Variants in USO1 observed in about 807,000 individuals in gnomAD.
The protein encoded by USO1 is general vesicular transport factor p115.
Under a neutral mutation model 124.5 loss-of-function variants are expected in USO1, and 57 were observed. That is an observed-to-expected ratio of 0.46 (90% CI 0.37 to 0.57). USO1 has a LOEUF of 0.57. USO1 is among the 20% of genes least tolerant of loss of function. The probability of loss-of-function intolerance (pLI) is 0.00; values close to 1 mark genes in which losing one functional copy is unlikely to be tolerated. For missense variants in USO1, 900 were observed against 1,040.6 expected (o/e 0.86, Z 1.86); for synonymous variants, 369 against 362.8 (o/e 1.02, Z -0.19).
At chr4:75,746,809 T>C (rs1402925560) in intron 1 of USO1, among the ~76,000 whole-genome samples, 2 of 152,194 alleles carry the variant, frequency 1.3e-5, no homozygotes, top group African/African-American at 4.8e-5. Context: ...TATAGACATA[T>C]TACTATTCAA....
intron 4 of USO1, among the ~76,000 whole-genome samples, chr4:75,762,657 G>A (rs554529665): frequency 2.0e-5 from 3 of 152,148 alleles, no homozygotes; most frequent in South Asian, 2.1e-4. Context: ...GGCCAGGTAC[G>A]GTGGCTCACG....
intron 7 of USO1, among the ~76,000 whole-genome samples, chr4:75,772,421 T>G (rs1721958144): frequency 6.6e-6 from 1 of 152,058 alleles, no homozygotes; most frequent in Non-Finnish European, 1.5e-5. Flanking sequence ...GTATTTTTAG[T>G]AGAGACAGGG....
At chr4:75,805,932 T>C (rs541234100) in intron 19 of USO1, among the ~76,000 whole-genome samples, 3 of 152,264 alleles carry the variant, frequency 2.0e-5, no homozygotes, top group Admixed American at 2.0e-4. Flanking sequence ...TTATGCTCTT[T>C]CTCCATATGA....
chr4:75,767,653 C>A, intron 4 of USO1: 3 of 279,244 alleles, frequency 1.1e-5, no homozygotes, highest in South Asian at 3.0e-5. Flanking sequence ...CTGAGGCGAG[C>A]GGATCACGAG....
chr4:75,744,842 C>A, intron 1 of USO1: 1 of 439,294 alleles, frequency 2.3e-6, no homozygotes, highest in Non-Finnish European at 4.5e-6. Context: ...AAGATACTTC[C>A]GATGTGTTTT....
rs564153291 is a variant in USO1, at chr4:75,740,738, A to C, written c.67-11635A>C. Among the ~76,000 whole-genome samples the C allele has an allele frequency of 2.6e-5, 4 of 152,360 alleles. No homozygotes were observed. The East Asian group carries it at 7.7e-4, about 29-fold the overall frequency. ...GAGTAGGTAATAAAAGCAAGATCTAATATGGAAATTTCTTTAATTTTTTTC... is the reference window on the plus strand; with the variant it reads ...GAGTAGGTAATAAAAGCAAGATCTACTATGGAAATTTCTTTAATTTTTTTC... On this transcript the variant is annotated intron_variant, in intron 1 of 23. Transcript: ENST00000514213.
intron 16 of USO1, 39 bp from the exon 17 acceptor site, chr4:75,801,040 A>C (rs1722835402): frequency 2.7e-6 from 4 of 1,473,842 alleles, no homozygotes; most frequent in Non-Finnish European, 3.6e-6. Flanking sequence ...TAGTATTTAA[A>C]ACATTTAAAA....
At chr4:75,775,250 G>A (rs1323723281) in intron 8 of USO1, among the ~76,000 whole-genome samples, 6 of 152,018 alleles carry the variant, frequency 3.9e-5, no homozygotes, top group Admixed American at 3.3e-4. Flanking sequence ...AAAGTGATAC[G>A]AACCCCAGCT....
chr4:75,779,722 T>C (rs1722166729), intron 8 of USO1, among the ~76,000 whole-genome samples: 1 of 152,338 alleles, frequency 6.6e-6, no homozygotes, highest in Middle Eastern at 3.4e-3. Flanking sequence ...GGAAAGAAGC[T>C]GTCTCCCTAA....
intron 1 of USO1, among the ~76,000 whole-genome samples, chr4:75,731,210 G>A (rs574253006): frequency 6.6e-6 from 1 of 152,208 alleles, no homozygotes; most frequent in African/African-American, 2.4e-5. Flanking sequence ...GTCATATGAA[G>A]ATAAGATTTG....
chr4:75,726,479 A>G (rs897984209), intron 1 of USO1, among the ~76,000 whole-genome samples: 6 of 151,958 alleles, frequency 3.9e-5, no homozygotes, highest in African/African-American at 1.5e-4. Context: ...ACAGGCCTAT[A>G]ATCCCAGCTA....
At chr4:75,795,258 T>C (rs1722645025) in intron 13 of USO1, 2 of 695,682 alleles carry the variant, frequency 2.9e-6, no homozygotes. Flanking sequence ...TATGAAAAAG[T>C]ATTTGAGGGA....
At chr4:75,725,956 T>C (rs1252950728) in intron 1 of USO1, among the ~76,000 whole-genome samples, 1 of 152,148 alleles carries the variant, frequency 6.6e-6, no homozygotes, top group East Asian at 1.9e-4. Context: ...GTGAGAGTAT[T>C]CTCACCTTAA....
intron 4 of USO1, among the ~76,000 whole-genome samples, chr4:75,764,259 A>G (rs903605913): frequency 6.6e-6 from 1 of 152,210 alleles, no homozygotes; most frequent in Non-Finnish European, 1.5e-5. Flanking sequence ...TTTTTCTGGT[A>G]TTAGACCTGA....
intron 7 of USO1, among the ~76,000 whole-genome samples, chr4:75,772,444 G>A (rs1469290464): frequency 6.6e-6 from 1 of 151,778 alleles, no homozygotes; most frequent in Non-Finnish European, 1.5e-5. Flanking sequence ...TCACCATATT[G>A]GCCAGGCTGG....
chr4:75,730,178 G>A (rs975903327), intron 1 of USO1, among the ~76,000 whole-genome samples: 5 of 152,108 alleles, frequency 3.3e-5, no homozygotes, highest in African/African-American at 1.2e-4. Flanking sequence ...TGGCTTTTTG[G>A]AAGGTTAATT....
intron 1 of USO1, among the ~76,000 whole-genome samples, chr4:75,747,121 A>G (rs776152585): frequency 1.8e-4 from 28 of 152,206 alleles, no homozygotes; most frequent in Non-Finnish European, 3.5e-4. Flanking sequence ...AAAGCTCATA[A>G]TTACATTCTT....
intron 1 of USO1, among the ~76,000 whole-genome samples, chr4:75,728,360 C>T (rs542702812): frequency 4.6e-5 from 7 of 152,310 alleles, no homozygotes; most frequent in African/African-American, 9.6e-5. Flanking sequence ...CGGGGGCTCA[C>T]GCCTATAATC....
chr4:75,762,118 G>T (rs965516966), intron 4 of USO1, among the ~76,000 whole-genome samples: 1 of 149,402 alleles, frequency 6.7e-6, no homozygotes, highest in Non-Finnish European at 1.5e-5. Flanking sequence ...GCCCAGAGAT[G>T]ATGTAACTTA....
Sources: allele counts gnomAD v4.1 joint callset (sites outside exome capture counted in the v4.1 genomes callset), GRCh38; gene constraint gnomAD v4.1.1; transcripts MANE v1.5; gene names NCBI Gene and HGNC (gene_info 2026-07-23, HGNC 2026-07-21).